NRG2: variants seen among roughly 807,000 people sequenced by gnomAD.
NRG2 encodes the protein pro-neuregulin-2, membrane-bound isoform.
Under a neutral mutation model 73.9 loss-of-function variants are expected in NRG2, and 27 were observed. That is an observed-to-expected ratio of 0.37 (90% confidence interval 0.27 to 0.50). The LOEUF (loss-of-function observed/expected upper bound fraction) is 0.50. Among genes scored for constraint, NRG2 ranks in the 20% least tolerant of loss-of-function variants. The pLI is 0.96. For missense variants in NRG2, 1,126 were observed against 1,210.1 expected, an observed-to-expected ratio of 0.93 and a Z score of 1.03; for synonymous variants, 532 against 541.0, an observed-to-expected ratio of 0.98 and a Z score of 0.23.
In NRG2 at chr5:140,043,219, G is replaced by A; in HGVS notation, c.-150C>T. On this transcript the variant is annotated 5_prime_UTR_variant, in exon 1 of 10. Transcript: ENST00000361474. This position sits in a 1 kb window ranked among gnomAD's most constrained non-coding sequence, Gnocchi z 6.7. The stretch of plus-strand genomic sequence containing the variant: ...GGGAGGTGGCCCAGCTAGGGCAGGG[G>A]GCAGGCGGCAAGCGGGCCGCGATGC... 1 of 832,702 alleles carries A rather than the reference G, an allele frequency of 1.2e-6. No homozygotes were observed. Among genetic ancestry groups the A allele is most frequent in the South Asian group, 1.9e-5 (1 of 52,734 alleles). The allele number at this position is 832,702 out of a possible 1,614,324, so 51.6% of individuals were successfully genotyped here.
chr5:140,023,881 C>A (rs1760445018), intron 1 of NRG2, among the ~76,000 whole-genome samples: 1 of 152,134 alleles, frequency 6.6e-6, no homozygotes, highest in Non-Finnish European at 1.5e-5. Flanking sequence ...AGCCCTGTAG[C>A]AAAATTGGTT....
At position 139,852,469 on chromosome 5, in the gene NRG2, G is replaced by A. The variant is rs1174047346; in HGVS notation, c.1507C>T (p.His503Tyr). Residue 503 changes from histidine to tyrosine, a missense_variant, in exon 8 of 10, where the codon CAC becomes TAC. Physicochemically the swap from His to Tyr is moderately conservative, Grantham distance 83. This residue lies in a region of NRG2 where 539 missense variants were observed against 703.2 expected (regional missense o/e 0.77). Coordinates refer to ENST00000361474, the MANE Select transcript of NRG2 (RefSeq NM_004883.3). The surrounding 1 kb of genome is among the most constrained non-coding windows in gnomAD (Gnocchi z 4.4). The part of the protein sequence containing the change: ...FSGSHSCSPS[H>Y]HCSTATPTSS... ...GTGGGTGTGGCTGTGGAGCAGTGGT[G>A]AGAAGGAGAACAGGAGTGGCTCCCA... is the stretch of plus-strand genomic sequence containing the variant. 2 of 1,613,998 alleles carry A rather than the reference G, an allele frequency of 1.2e-6. No individual in the cohort carries two copies. Among genetic ancestry groups the A allele is most frequent in the African/African-American group, 1.3e-5 (1 of 74,926 alleles).
rs1458236517 is a variant in NRG2, at chr5:139,847,923, T to A, written c.2547A>T (p.Pro849=). The A allele has an allele frequency of 6.7e-7, 1 of 1,484,904 alleles. No homozygotes were observed. The highest frequency in any genetic ancestry group is 8.9e-7 in the Non-Finnish European group (1 of 1,123,620). The allele number at this position is 1,484,904 out of a possible 1,614,324, so 92.0% of individuals were successfully genotyped here. A position where few individuals can be genotyped will look rare whatever the true frequency, so the allele number is the denominator to read the frequency against. ...AGGGGCGCGCGGCGGGGCCCTAGAGTGGCGCCGAGTCCTGCTTGGCCCGCG... is the reference window on the plus strand; with the variant it reads ...AGGGGCGCGCGGCGGGGCCCTAGAGAGGCGCCGAGTCCTGCTTGGCCCGCG... The part of the protein sequence containing the change: ...PPPRAKQDSA[P]L The change falls in exon 10 of 10, where the codon CCA becomes CCT. Residue 849 remains proline, a synonymous_variant. Coordinates refer to ENST00000361474, the MANE Select transcript of NRG2 (RefSeq NM_004883.3).
At chr5:139,907,855 C>A (rs73271452) in intron 1 of NRG2, among the ~76,000 whole-genome samples, 3,722 of 152,242 alleles carry the variant, frequency 0.024, 168 homozygotes, top group African/African-American at 0.086. Flanking sequence ...AGACAATGAG[C>A]AGACCAGGTT....
intron 1 of NRG2, among the ~76,000 whole-genome samples, chr5:140,009,125 C>A (rs1759158168): frequency 1.3e-5 from 2 of 152,216 alleles, no homozygotes; most frequent in Non-Finnish European, 2.9e-5. Flanking sequence ...TGAGCTGCAT[C>A]ATCAATAAAG....
intron 4 of NRG2, among the ~76,000 whole-genome samples, chr5:139,867,835 T>TGA (rs1322901143): frequency 7.1e-6 from 1 of 141,190 alleles, no homozygotes; most frequent in African/African-American, 2.7e-5. Flanking sequence ...TGTGTGTGTG[T>TGA]GACAGAGAGA....
At chr5:140,018,856 C>T (rs1056684056) in intron 1 of NRG2, among the ~76,000 whole-genome samples, 12 of 152,180 alleles carry the variant, frequency 7.9e-5, no homozygotes, top group Non-Finnish European at 7.3e-5. Flanking sequence ...AGGAAATACT[C>T]ATTTACAGTG....
At chr5:139,994,673 A>C (rs1376396836) in intron 1 of NRG2, among the ~76,000 whole-genome samples, 1 of 152,158 alleles carries the variant, frequency 6.6e-6, no homozygotes, top group East Asian at 1.9e-4. Flanking sequence ...ATGCCAAATG[A>C]AGTGGTATAG....
intron 1 of NRG2, among the ~76,000 whole-genome samples, chr5:139,930,003 A>G (rs1313156963): frequency 1.3e-5 from 2 of 152,222 alleles, no homozygotes; most frequent in Non-Finnish European, 2.9e-5. Flanking sequence ...AGCCATTGTG[A>G]CAACATTCTT....
chr5:139,926,723 A>G (rs1298318746), intron 1 of NRG2, among the ~76,000 whole-genome samples: 1 of 152,166 alleles, frequency 6.6e-6, no homozygotes, highest in Non-Finnish European at 1.5e-5. Context: ...GTGATGCATG[A>G]ATGTTCATCT....
intron 1 of NRG2, among the ~76,000 whole-genome samples, chr5:139,934,376 A>C (rs1752693624): frequency 6.6e-6 from 1 of 152,200 alleles, no homozygotes. Flanking sequence ...GGGAAATGGA[A>C]GTATATGGTT....
intron 1 of NRG2, among the ~76,000 whole-genome samples, chr5:139,893,634 C>T (rs1396119547): frequency 6.6e-6 from 1 of 152,194 alleles, no homozygotes; most frequent in Non-Finnish European, 1.5e-5. Flanking sequence ...AGGTTTCCTC[C>T]TCAGACCAAG....
At chr5:139,862,047 G>T (rs1762179139) in intron 5 of NRG2, among the ~76,000 whole-genome samples, 1 of 152,204 alleles carries the variant, frequency 6.6e-6, no homozygotes. Flanking sequence ...GAGACTGGAG[G>T]CCAGACCCTT....
At chr5:139,930,304 T>C (rs1752380308) in intron 1 of NRG2, among the ~76,000 whole-genome samples, 3 of 152,234 alleles carry the variant, frequency 2.0e-5, no homozygotes, top group Non-Finnish European at 2.9e-5. Flanking sequence ...GATGCTGGAG[T>C]AAACCAAAGG....
chr5:139,895,654 T>C lies in NRG2; in HGVS notation c.701-8143A>G, dbSNP rs569605615. 6.6e-5 allele frequency among the ~76,000 whole-genome samples: 10 copies of C among 152,332 alleles called. No homozygotes were observed. The South Asian group carries it at 1.7e-3, about 25-fold the overall frequency. ...ATAAGTAGTTTAGCCTCTCTGGGCC[T>C]CAGTTGACTCATTTATAAACCACAC... On this transcript the variant is annotated intron_variant, in intron 1 of 9. Transcript: ENST00000361474.
chr5:139,952,754 G>A (rs71581518), intron 1 of NRG2, among the ~76,000 whole-genome samples: 1 of 152,146 alleles, frequency 6.6e-6, no homozygotes, highest in African/African-American at 2.4e-5. Flanking sequence ...ATGGAGTGGG[G>A]CGGTGCGTGT....
chr5:139,893,414 G>T (rs1764344901), intron 1 of NRG2, among the ~76,000 whole-genome samples: 1 of 152,210 alleles, frequency 6.6e-6, no homozygotes, highest in Non-Finnish European at 1.5e-5. Flanking sequence ...CCAGCACACA[G>T]AAGAGTGGAC....
intron 1 of NRG2, among the ~76,000 whole-genome samples, chr5:139,889,929 TAGAG>T (rs1320386582): frequency 1.3e-5 from 2 of 152,232 alleles, no homozygotes; most frequent in Non-Finnish European, 2.9e-5. Context: ...GCCTGGCACA[TAGAG>T]AGCATTTAAC....
chr5:139,892,325 G>T (rs1480096853), intron 1 of NRG2, among the ~76,000 whole-genome samples: 1 of 152,174 alleles, frequency 6.6e-6, no homozygotes, highest in Non-Finnish European at 1.5e-5. Flanking sequence ...TGCTGGGAAG[G>T]CATTAGAGGC....
Sources: gnomAD v4.1 joint callset for allele counts (sites outside exome capture counted in the v4.1 genomes callset) on GRCh38, gnomAD v4.1.1 for gene constraint, gnomAD v4.1.1 regional missense constraint, Gnocchi (gnomAD v3.1) non-coding constraint, MANE v1.5 for transcripts, NCBI Gene and HGNC (gene_info 2026-07-23, HGNC 2026-07-21) for gene names.